Variants in POLR1A observed in about 807,000 individuals in gnomAD.
POLR1A encodes DNA-directed RNA polymerase I subunit RPA1.
In POLR1A, 84 loss-of-function variants were observed where a neutral mutation model predicts 205.3. That is an observed-to-expected ratio of 0.41 (90% CI 0.34 to 0.49). The LOEUF (loss-of-function observed/expected upper bound fraction) is 0.49. Among genes scored for constraint, POLR1A ranks in the 20% least tolerant of loss-of-function variants. The probability of loss-of-function intolerance (pLI) is 0.22; values close to 1 mark genes in which losing one functional copy is unlikely to be tolerated. For synonymous variants in POLR1A, 799 were observed against 863.7 expected (o/e 0.93, Z 1.31); for missense variants, 1,645 against 2,204.5 (o/e 0.75, Z 5.08).
chr2:86,068,853 G>A (rs1440792028), intron 13 of POLR1A, among the ~76,000 whole-genome samples: 2 of 152,202 alleles, frequency 1.3e-5, no homozygotes, highest in Non-Finnish European at 2.9e-5. Flanking sequence ...TGATTCCTTC[G>A]TGGCAGACGG....
At position 86,038,765 on chromosome 2, in the gene POLR1A, T is replaced by C; in HGVS notation, c.3969A>G (p.Pro1323=). The C allele has an allele frequency of 6.2e-7, 1 of 1,613,798 alleles. No homozygotes were observed. Among genetic ancestry groups the C allele is most frequent in the South Asian group, 1.1e-5 (1 of 91,040 alleles). ...ACTTCTCCTGCTGGTAATATGCATGTGGCAGGAACTGAAACCGCAGCTGGT... is the reference window on the plus strand; with the variant it reads ...ACTTCTCCTGCTGGTAATATGCATGCGGCAGGAACTGAAACCGCAGCTGGT... The part of the protein sequence containing the change: ...QVYQLRFQFL[P]HAYYQQEKCL... Residue 1323 remains proline, a synonymous_variant, in exon 27 of 34, where the codon CCA becomes CCG. Transcript: ENST00000263857.
At chr2:86,103,341 C>G (rs1459230867) in intron 1 of POLR1A, among the ~76,000 whole-genome samples, 1 of 151,996 alleles carries the variant, frequency 6.6e-6, no homozygotes, top group Non-Finnish European at 1.5e-5. Context: ...CTGGATGCAG[C>G]AAGGAGGTCA....
chr2:86,054,286 C>A lies in POLR1A; in HGVS notation c.2062G>T (p.Val688Leu). The A allele has an allele frequency of 6.2e-7, 1 of 1,613,684 alleles. No homozygotes were observed. Among genetic ancestry groups the A allele is most frequent in the Non-Finnish European group, 8.5e-7 (1 of 1,179,704 alleles). ...ATTATATTTATGAGCAGCGTTGACA[C>A]AACCTGCAAAGAAAAAGAGGACAAA... ...PFPLWTGKQV[V>L]STLLINIIPE... is the part of the protein sequence containing the mutation. Residue 688 changes from valine (V) to leucine (L), a missense_variant, in exon 15 of 34, where the codon GTG becomes TTG. Coordinates refer to ENST00000263857, the MANE Select transcript of POLR1A (RefSeq NM_015425.6).
intron 3 of POLR1A, among the ~76,000 whole-genome samples, chr2:86,091,179 A>G (rs1435352627): frequency 2.0e-5 from 3 of 152,364 alleles, no homozygotes; most frequent in Middle Eastern, 3.4e-3. Flanking sequence ...AGTTGGCATC[A>G]GTGCCATGCA....
In POLR1A at chr2:86,070,703, CCG is replaced by C. The variant is rs113852190; in HGVS notation, c.1612-433_1612-432del. ...ATTGGCAGACTTTCGAATCCCCCCC[CCG>C]CCGTGATCACATGTGAGTACATTAT... On this transcript the variant is annotated intron_variant, in intron 12 of 33. Transcript: ENST00000263857. This position sits in a 1 kb window ranked among gnomAD's most constrained non-coding sequence, Gnocchi z 4.4. Among the ~76,000 whole-genome samples, 72,299 of 136,372 alleles carry C rather than the reference CCG, an allele frequency of 0.53. 18,439 individuals are homozygous for C. The highest frequency in any genetic ancestry group is 0.58 in the African/African-American group (21,811 of 37,830). 89.5% of individuals were successfully genotyped at this position (136,372 alleles called of 152,430 possible).
chr2:86,047,267 C>T lies in POLR1A; in HGVS notation c.2635-4G>A. 6.3e-7 allele frequency: 1 copy of T among 1,589,984 alleles called. No homozygotes were observed. Among genetic ancestry groups the T allele is most frequent in the Non-Finnish European group, 8.6e-7 (1 of 1,158,348 alleles). ...GTAGGCCAAAAGGCATGCATGCCTG[C>T]AGATTAAATCAGCACAGTGGTCAGT... On this transcript the variant is annotated splice_region_variant and splice_polypyrimidine_tract_variant and intron_variant, in intron 18 of 33. Coordinates refer to ENST00000263857, the MANE Select transcript of POLR1A (RefSeq NM_015425.6).
At chr2:86,031,281 GGCCA>G in intron 30 of POLR1A, 45 bp downstream of exon 30, 1 of 1,508,990 alleles carries the variant, frequency 6.6e-7, no homozygotes, top group Non-Finnish European at 8.9e-7. Context: ...AGAGGGATTT[GGCCA>G]GCTGGACCAA....
At chr2:86,082,185 T>G (rs1673416880) in intron 7 of POLR1A, among the ~76,000 whole-genome samples, 1 of 152,078 alleles carries the variant, frequency 6.6e-6, no homozygotes, top group Non-Finnish European at 1.5e-5. Context: ...CATGACAGTT[T>G]GTATGCAGGG....
At chr2:86,050,915 T>C (rs1368023890) in intron 16 of POLR1A, among the ~76,000 whole-genome samples, 2 of 152,178 alleles carry the variant, frequency 1.3e-5, no homozygotes, top group Non-Finnish European at 1.5e-5. Flanking sequence ...TCAGGTCTCT[T>C]AGTGGAATTA....
chr2:86,049,075 A>G (rs1292075731), intron 17 of POLR1A, 33 bp from the exon 18 acceptor site: 1 of 1,613,946 alleles, frequency 6.2e-7, no homozygotes, highest in Admixed American at 1.7e-5. Flanking sequence ...GCGGAGGCTG[A>G]GGCCAAACGA....
chr2:86,063,191 C>T (rs1031341529), intron 14 of POLR1A, among the ~76,000 whole-genome samples: 21 of 151,700 alleles, frequency 1.4e-4, no homozygotes, highest in African/African-American at 3.1e-4. Context: ...CAAAATTAGC[C>T]GGGCATGGTG....
chr2:86,077,809 G>GCGCA, intron 11 of POLR1A, 50 bp downstream of exon 11: 1 of 1,301,498 alleles, frequency 7.7e-7, no homozygotes. Flanking sequence ...GCACGCGCGC[G>GCGCA]CGCACACACA....
chr2:86,054,013 A>G (rs1363773450), intron 15 of POLR1A, 127 bp downstream of exon 15: 66 of 871,932 alleles, frequency 7.6e-5, no homozygotes, highest in Non-Finnish European at 1.1e-4. Flanking sequence ...ACTCAGGCAC[A>G]ACGCCTTCTC....
intron 14 of POLR1A, among the ~76,000 whole-genome samples, chr2:86,059,912 G>A (rs1032777043): frequency 6.6e-6 from 1 of 152,072 alleles, no homozygotes; most frequent in Non-Finnish European, 1.5e-5. Flanking sequence ...TATGGAGAGT[G>A]GGGTTGGGGA....
chr2:86,049,214 C>A lies in POLR1A; in HGVS notation c.2421G>T (p.Lys807Asn), dbSNP rs1672758262. Reference sequence around the variant, plus strand: ...TGATACGTTGCCTCTTGACATCTGCCTTTGGCTTCACCAAAATGTCTTCCA... The same window carrying A: ...TGATACGTTGCCTCTTGACATCTGCATTTGGCTTCACCAAAATGTCTTCCA... The part of the protein sequence containing the change: ...LGVEDILVKP[K>N]ADVKRQRIIE... The change falls in exon 17 of 34, where the codon AAG (lysine) becomes AAT (asparagine). Residue 807 changes from lysine (K) to asparagine (N), a missense_variant. Coordinates refer to ENST00000263857, the MANE Select transcript of POLR1A (RefSeq NM_015425.6). The A allele has an allele frequency of 6.2e-7, 1 of 1,613,974 alleles. No homozygotes were observed. The highest frequency in any genetic ancestry group is 8.5e-7 in the Non-Finnish European group (1 of 1,179,936).
At chr2:86,036,215 T>C (rs1672493749) in intron 27 of POLR1A, among the ~76,000 whole-genome samples, 2 of 152,214 alleles carry the variant, frequency 1.3e-5, no homozygotes, top group African/African-American at 4.8e-5. Flanking sequence ...AATTACAGAC[T>C]GTCAGCTGGG....
At chr2:86,095,060 A>C (rs1673680474) in intron 3 of POLR1A, among the ~76,000 whole-genome samples, 1 of 152,208 alleles carries the variant, frequency 6.6e-6, no homozygotes, top group Admixed American at 6.5e-5. Context: ...GGTATTCCGC[A>C]CAGGGCTGCC....
intron 3 of POLR1A, among the ~76,000 whole-genome samples, chr2:86,091,299 A>G (rs1673602336): frequency 6.6e-6 from 1 of 152,164 alleles, no homozygotes; most frequent in Non-Finnish European, 1.5e-5. Context: ...AATTATTAGA[A>G]AACTAGAGAT....
intron 7 of POLR1A, among the ~76,000 whole-genome samples, chr2:86,082,349 A>G (rs1673419203): frequency 6.6e-6 from 1 of 152,170 alleles, no homozygotes; most frequent in African/African-American, 2.4e-5. Flanking sequence ...TTTGATCTTC[A>G]TAAAAAATAT....
Sources: gnomAD v4.1 joint callset for allele counts (sites outside exome capture counted in the v4.1 genomes callset) on GRCh38, gnomAD v4.1.1 for gene constraint, Gnocchi (gnomAD v3.1) non-coding constraint, MANE v1.5 for transcripts, NCBI Gene and HGNC (gene_info 2026-07-23, HGNC 2026-07-21) for gene names.